Variants in ANO2 observed in about 807,000 individuals in gnomAD.
The protein encoded by ANO2 is anoctamin-2.
In ANO2, 101 loss-of-function variants were observed where a neutral mutation model predicts 124.2. That is an observed-to-expected ratio of 0.81 (90% CI 0.69 to 0.96). ANO2 has a LOEUF of 0.96. Among genes scored for constraint, ANO2 ranks in the 40% least tolerant of loss-of-function variants. The pLI, the probability that ANO2 is intolerant of heterozygous loss-of-function variation, is 0.00. For missense variants in ANO2, 1,293 were observed against 1,274.5 expected, an observed-to-expected ratio of 1.01 and a Z score of -0.22; for synonymous variants, 486 against 482.5, an observed-to-expected ratio of 1.01 and a Z score of -0.09.
intron 19 of ANO2, among the ~76,000 whole-genome samples, chr12:5,604,382 C>T (rs1944106872): frequency 6.6e-6 from 1 of 152,132 alleles, no homozygotes. Flanking sequence ...CATATCTGTG[C>T]CTAGAGCCCT....
At chr12:5,669,520 T>C (rs1012582505) in intron 14 of ANO2, among the ~76,000 whole-genome samples, 5 of 152,194 alleles carry the variant, frequency 3.3e-5, no homozygotes, top group African/African-American at 1.2e-4. Flanking sequence ...TATTTGAATA[T>C]CTTTGTTTAT....
chr12:5,934,619 A>AG (rs1942571848), intron 1 of ANO2, among the ~76,000 whole-genome samples: 1 of 152,212 alleles, frequency 6.6e-6, no homozygotes, highest in Admixed American at 6.5e-5. Flanking sequence ...GATGAGATTA[A>AG]GGTATAAATG....
At chr12:5,830,925 C>A (rs1954128843) in intron 5 of ANO2, among the ~76,000 whole-genome samples, 1 of 152,126 alleles carries the variant, frequency 6.6e-6, no homozygotes, top group Admixed American at 6.5e-5. Context: ...GGTGCATGAA[C>A]AAAGACAGTG....
At chr12:5,858,215 T>C (rs1033931748) in intron 3 of ANO2, among the ~76,000 whole-genome samples, 4 of 152,088 alleles carry the variant, frequency 2.6e-5, no homozygotes, top group Non-Finnish European at 5.9e-5. Flanking sequence ...ATATTAGGGG[T>C]GACAGATACG....
intron 13 of ANO2, among the ~76,000 whole-genome samples, chr12:5,734,563 G>A (rs1950774850): frequency 6.6e-6 from 1 of 152,158 alleles, no homozygotes; most frequent in South Asian, 2.1e-4. Flanking sequence ...ACACAGAGGA[G>A]TTTGCTTGAA....
chr12:5,622,231 C>A lies in ANO2; in HGVS notation c.1817-6934G>T, dbSNP rs548335058. Among the ~76,000 whole-genome samples the A allele has an allele frequency of 2.6e-5, 4 of 152,284 alleles. No homozygotes were observed. The East Asian group carries it at 7.7e-4, about 29-fold the overall frequency. ...AGATCTCCCAGTCCCTACAGCAATT[C>A]CCTCCAAGTTCCCTGCAAAGAGGAT... On this transcript the variant is annotated intron_variant, in intron 16 of 24. Coordinates refer to ENST00000682330, the MANE Select transcript of ANO2 (RefSeq NM_001364791.2).
At chr12:5,842,590 A>G (rs559597295) in intron 4 of ANO2, among the ~76,000 whole-genome samples, 1 of 152,334 alleles carries the variant, frequency 6.6e-6, no homozygotes, top group South Asian at 2.1e-4. Context: ...TCTGGTGTGC[A>G]TGACTCACTC....
At chr12:5,724,850 G>C (rs1022537833) in intron 14 of ANO2, among the ~76,000 whole-genome samples, 12 of 152,018 alleles carry the variant, frequency 7.9e-5, no homozygotes, top group Admixed American at 6.5e-5. Flanking sequence ...TAGGTGACAA[G>C]TTCCATGAAG....
intron 14 of ANO2, among the ~76,000 whole-genome samples, chr12:5,690,636 G>A (rs973064690): frequency 5.3e-5 from 8 of 152,188 alleles, no homozygotes; most frequent in Non-Finnish European, 1.5e-5. Flanking sequence ...AGCATCCCAA[G>A]TATCACCTCG....
At chr12:5,804,812 C>T (rs1953141795) in intron 9 of ANO2, among the ~76,000 whole-genome samples, 1 of 152,108 alleles carries the variant, frequency 6.6e-6, no homozygotes, top group Non-Finnish European at 1.5e-5. Flanking sequence ...CTGATCTCTC[C>T]TATGACTTGC....
chr12:5,816,936 A>G (rs1394365519), intron 7 of ANO2, among the ~76,000 whole-genome samples: 1 of 152,194 alleles, frequency 6.6e-6, no homozygotes, highest in African/African-American at 2.4e-5. Flanking sequence ...CTCTAACATC[A>G]TTTGACACAT....
chr12:5,850,548 C>A (rs1022347641), intron 4 of ANO2, among the ~76,000 whole-genome samples: 1 of 152,160 alleles, frequency 6.6e-6, no homozygotes, highest in Non-Finnish European at 1.5e-5. Flanking sequence ...GTTTTATCTG[C>A]AGCCTTGGGG....
At chr12:5,708,754 C>G (rs1321646005) in intron 14 of ANO2, among the ~76,000 whole-genome samples, 2 of 152,224 alleles carry the variant, frequency 1.3e-5, no homozygotes, top group African/African-American at 4.8e-5. Flanking sequence ...AGACATGCAG[C>G]ATATGCTAGG....
At chr12:5,700,752 G>GGGTT (rs1949368718) in intron 14 of ANO2, among the ~76,000 whole-genome samples, 2 of 152,022 alleles carry the variant, frequency 1.3e-5, no homozygotes, top group Admixed American at 6.6e-5. Context: ...AATGATAAAG[G>GGGTT]GGTTATCAGA....
chr12:5,664,318 T>C (rs185462777), intron 14 of ANO2, among the ~76,000 whole-genome samples: 1 of 152,110 alleles, frequency 6.6e-6, no homozygotes, highest in African/African-American at 2.4e-5. Flanking sequence ...TATCTACCCA[T>C]CTTTCCATCT....
intron 14 of ANO2, among the ~76,000 whole-genome samples, chr12:5,673,164 A>T (rs1239695892): frequency 6.6e-6 from 1 of 152,172 alleles, no homozygotes; most frequent in East Asian, 1.9e-4. Flanking sequence ...TTTTTTATGC[A>T]AAAGGGGCAC....
chr12:5,791,653 G>A (rs756771490), intron 10 of ANO2, among the ~76,000 whole-genome samples: 1 of 152,198 alleles, frequency 6.6e-6, no homozygotes, highest in African/African-American at 2.4e-5. Flanking sequence ...AATTCCAGAT[G>A]AGCTTGCTCT....
At chr12:5,868,375 T>C (rs1330194772) in intron 3 of ANO2, among the ~76,000 whole-genome samples, 3 of 152,182 alleles carry the variant, frequency 2.0e-5, no homozygotes, top group South Asian at 2.1e-4. Flanking sequence ...CTGTGTGACG[T>C]TGATATGTAA....
rs150228930 is a variant in ANO2 at position 5,820,303 on chromosome 12, T to A, written c.892+7466A>T. On this transcript the variant is annotated intron_variant, in intron 7 of 24. Transcript: ENST00000682330. ...CTGTGCATTGGGGAAAGGGATATGA[T>A]CAGATTTTTGGGGACTACTGGTCAT... Among the ~76,000 whole-genome samples the A allele has an allele frequency of 4.7e-3, 721 of 152,286 alleles. 8 individuals are homozygous for A. The highest frequency in any genetic ancestry group is 0.016 in the African/African-American group (682 of 41,558).
Sources: gnomAD v4.1 joint callset for allele counts (sites outside exome capture counted in the v4.1 genomes callset) on GRCh38, gnomAD v4.1.1 for gene constraint, MANE v1.5 for transcripts, NCBI Gene and HGNC (gene_info 2026-07-23, HGNC 2026-07-21) for gene names.